Variants in EPYC observed in about 807,000 individuals in gnomAD.
EPYC encodes dermatan sulfate proteoglycan 3.
EPYC carries 28 observed loss-of-function variants against 30.1 expected under a neutral mutation model. The ratio of observed to expected loss-of-function variants is 0.93; its 90% CI spans 0.69 to 1.28. The LOEUF (loss-of-function observed/expected upper bound fraction) is 1.28. Among genes scored for constraint, EPYC ranks in the 50% most tolerant of loss-of-function variants. EPYC has a pLI of 0.00. For synonymous variants in EPYC, 144 were observed against 141.4 expected (o/e 1.02, Z -0.13); for missense variants, 382 against 383.5 (o/e 1.00, Z 0.03).
intron 2 of EPYC, among the ~76,000 whole-genome samples, chr12:90,996,009 A>G (rs919690152): frequency 2.0e-5 from 3 of 151,972 alleles, no homozygotes; most frequent in Non-Finnish European, 4.4e-5. Flanking sequence ...AGTGTTGAGT[A>G]TGCAAACCAT....
rs548710300 is a variant in EPYC at position 90,982,996 on chromosome 12, A to G, written c.166-4734T>C. ...ACATACTGATACATTTCTTTTGAAT[A>G]TATACCCAGTAGTGGGCTTGCTGGA... On this transcript the variant is annotated intron_variant, in intron 2 of 6. Coordinates refer to ENST00000261172, the MANE Select transcript of EPYC (RefSeq NM_004950.5). Among the ~76,000 whole-genome samples, 7 of 152,278 alleles carry G rather than the reference A, an allele frequency of 4.6e-5. No homozygotes were observed. The South Asian group carries it at 1.4e-3, about 32-fold the overall frequency.
chr12:90,974,367 A>G (rs893643530), intron 3 of EPYC, among the ~76,000 whole-genome samples: 6 of 152,160 alleles, frequency 3.9e-5, no homozygotes, highest in Admixed American at 2.0e-4. Flanking sequence ...GCCAGATTAC[A>G]GTCCATTAAG....
chr12:90,971,499 G>A (rs1048718456), intron 5 of EPYC, among the ~76,000 whole-genome samples: 2 of 151,808 alleles, frequency 1.3e-5, no homozygotes, highest in African/African-American at 4.8e-5. Context: ...GCGAAACCAT[G>A]TCTCTACAAA....
intron 3 of EPYC, among the ~76,000 whole-genome samples, chr12:90,976,567 TCA>T (rs927445391): frequency 3.3e-5 from 5 of 152,140 alleles, no homozygotes; most frequent in Non-Finnish European, 5.9e-5. Context: ...CAAGAAACTC[TCA>T]GTTTTGATTC....
chr12:90,974,562 A>G (rs544815739), intron 3 of EPYC, among the ~76,000 whole-genome samples: 4 of 152,090 alleles, frequency 2.6e-5, no homozygotes, highest in South Asian at 2.1e-4. Context: ...ATTTGAATAT[A>G]AAAAGGATCA....
chr12:91,002,718 AAC>A (rs1417944094), intron 1 of EPYC, 140 bp from the exon 2 acceptor site: 1 of 635,144 alleles, frequency 1.6e-6, no homozygotes, highest in Non-Finnish European at 2.6e-6. Flanking sequence ...TTATAAACAT[AAC>A]ACACAAAATC....
At chr12:91,002,119 G>A (rs1365708294) in intron 2 of EPYC, among the ~76,000 whole-genome samples, 1 of 148,742 alleles carries the variant, frequency 6.7e-6, no homozygotes, top group African/African-American at 2.5e-5. Flanking sequence ...GAACCCAGGA[G>A]GCGGAGGTTG....
chr12:90,977,775 CAA>C (rs1485506893), intron 3 of EPYC, among the ~76,000 whole-genome samples: 1 of 152,020 alleles, frequency 6.6e-6, no homozygotes, highest in Non-Finnish European at 1.5e-5. Flanking sequence ...ATCTCAGAGG[CAA>C]AGATTTTATC....
chr12:91,001,694 A>T (rs1024709235), intron 2 of EPYC, among the ~76,000 whole-genome samples: 12 of 152,040 alleles, frequency 7.9e-5, no homozygotes, highest in Non-Finnish European at 1.5e-5. Context: ...CTTTCTCTCT[A>T]TTATTATTTT....
At chr12:91,001,952 G>C (rs1877832468) in intron 2 of EPYC, among the ~76,000 whole-genome samples, 1 of 151,906 alleles carries the variant, frequency 6.6e-6, no homozygotes, top group African/African-American at 2.4e-5. Flanking sequence ...ATTTGGGAAG[G>C]CTGAGGGGGG....
intron 2 of EPYC, among the ~76,000 whole-genome samples, chr12:90,998,403 A>C (rs967027725): frequency 6.6e-5 from 10 of 152,146 alleles, no homozygotes; most frequent in African/African-American, 2.4e-4. Flanking sequence ...AATATAGAAA[A>C]CAATGGATCA....
intron 2 of EPYC, among the ~76,000 whole-genome samples, chr12:90,990,672 C>T (rs1877562382): frequency 6.6e-6 from 1 of 152,026 alleles, no homozygotes; most frequent in Admixed American, 6.6e-5. Flanking sequence ...TTGTTGATGA[C>T]CATAGAACAA....
chr12:90,980,381 G>T (rs1046374897), intron 2 of EPYC, among the ~76,000 whole-genome samples: 2 of 152,028 alleles, frequency 1.3e-5, no homozygotes, highest in African/African-American at 4.8e-5. Context: ...AAACATAAAT[G>T]CAATACAACT....
At chr12:90,985,731 G>T (rs563635204) in intron 2 of EPYC, among the ~76,000 whole-genome samples, 1 of 152,180 alleles carries the variant, frequency 6.6e-6, no homozygotes, top group South Asian at 2.1e-4. Context: ...AAGGTGCACT[G>T]CCCTAGAGGA....
chr12:90,984,408 C>T (rs967328388), intron 2 of EPYC, among the ~76,000 whole-genome samples: 1 of 152,120 alleles, frequency 6.6e-6, no homozygotes, highest in Non-Finnish European at 1.5e-5. Context: ...CAGGCTCACC[C>T]TTAAAATGCA....
intron 2 of EPYC, among the ~76,000 whole-genome samples, chr12:90,989,719 C>T (rs1391888757): frequency 2.6e-5 from 4 of 152,102 alleles, no homozygotes; most frequent in Non-Finnish European, 2.9e-5. Flanking sequence ...TCACATACTT[C>T]TCTTCTTACT....
intron 5 of EPYC, 70 bp downstream of exon 5, chr12:90,971,730 T>C (rs1407876362): frequency 4.7e-6 from 3 of 636,564 alleles, no homozygotes; most frequent in Non-Finnish European, 7.2e-6. Context: ...CCTACACGAA[T>C]AAAAAAGGTA....
In EPYC at chr12:90,970,296, A is replaced by G. The variant is rs147273693; in HGVS notation, c.703-157T>C. On this transcript the variant is annotated intron_variant, in intron 5 of 6. Transcript: ENST00000261172. The stretch of plus-strand genomic sequence containing the variant: ...TTGTTTTGTAAAGTTGAGGCAGCTT[A>G]GTTTTCTGAGTTACTAGACAATTCA... Among the ~76,000 whole-genome samples the G allele has an allele frequency of 3.4e-3, 513 of 152,348 alleles. 4 individuals carry two copies. Among genetic ancestry groups the G allele is most frequent in the African/African-American group, 0.011 (478 of 41,584 alleles).
In EPYC at chr12:90,978,265, GAAAAAA is replaced by G; in HGVS notation, c.166-9_166-4del. ...GGCATCACTGTGGCTATTTCAATCT[GAAAAAA>G]AAAAAAAAAAGAGAATTTCTTCAGG... On this transcript the variant is annotated splice_polypyrimidine_tract_variant and splice_region_variant and intron_variant, in intron 2 of 6. Coordinates refer to ENST00000261172, the MANE Select transcript of EPYC (RefSeq NM_004950.5). 6 of 1,357,260 alleles carry G rather than the reference GAAAAAA, an allele frequency of 4.4e-6. No individual in the cohort carries two copies. Among genetic ancestry groups the G allele is most frequent in the East Asian group, 2.8e-5 (1 of 36,136 alleles). 84.1% of individuals were successfully genotyped at this position (1,357,260 alleles called of 1,614,324 possible).
Sources: gnomAD v4.1 joint callset for allele counts (sites outside exome capture counted in the v4.1 genomes callset) on GRCh38, gnomAD v4.1.1 for gene constraint, MANE v1.5 for transcripts, NCBI Gene and HGNC (gene_info 2026-07-23, HGNC 2026-07-21) for gene names.